HDAC1: variants seen among roughly 807,000 people sequenced by gnomAD.
HDAC1 encodes the protein protein deacetylase HDAC1.
Under a neutral mutation model 65.5 loss-of-function variants are expected in HDAC1, and 18 were observed. The ratio of observed to expected loss-of-function variants is 0.27; its 90% CI spans 0.19 to 0.41. The LOEUF (loss-of-function observed/expected upper bound fraction) is 0.41. Among genes scored for constraint, HDAC1 ranks in the 10% least tolerant of loss-of-function variants. The pLI, the probability that HDAC1 is intolerant of heterozygous loss-of-function variation, is 1.00. For missense variants in HDAC1, 373 were observed against 625.2 expected, an observed-to-expected ratio of 0.60 and a Z score of 4.30; for synonymous variants, 211 against 227.9, an observed-to-expected ratio of 0.93 and a Z score of 0.67.
At chr1:32,318,357 T>G (rs1641092710) in intron 3 of HDAC1, among the ~76,000 whole-genome samples, 1 of 152,124 alleles carries the variant, frequency 6.6e-6, no homozygotes, top group South Asian at 2.1e-4. Flanking sequence ...AGCCAGGAGT[T>G]TGAGACCAGC....
At position 32,330,615 on chromosome 1, in the gene HDAC1, C is replaced by T. The variant is rs138410521; in HGVS notation, c.767C>T (p.Ala256Val). 9 of 1,613,586 alleles carry T rather than the reference C, an allele frequency of 5.6e-6. No homozygotes were observed. Among genetic ancestry groups the T allele is most frequent in the East Asian group, 2.2e-5 (1 of 44,864 alleles). The change falls in exon 8 of 14, where the codon GCG becomes GTG. Residue 256 changes from alanine (A) to valine (V), a missense_variant. Physicochemically the swap from Ala to Val is moderately conservative, Grantham distance 64. This residue lies in a region of HDAC1 where 105 missense variants were observed against 192.6 expected (regional missense o/e 0.55). Transcript: ENST00000373548. The surrounding 1 kb of genome is among the most constrained non-coding windows in gnomAD (Gnocchi z 4.2). ...GTAATGGAGATGTTCCAGCCTAGTG[C>T]GGTGGTCTTACAGTGTGGCTCAGAC... Reference protein sequence around the residue: ...SKVMEMFQPSAVVLQCGSDSL... With the variant: ...SKVMEMFQPSVVVLQCGSDSL...
chr1:32,294,492 G>A (rs1640740153), intron 1 of HDAC1, among the ~76,000 whole-genome samples: 1 of 147,962 alleles, frequency 6.8e-6, no homozygotes, highest in Non-Finnish European at 1.5e-5. Context: ...TTTGGAGAAT[G>A]CCATGTCAGT....
chr1:32,324,394 A>T, intron 3 of HDAC1, 85 bp from the exon 4 acceptor site: 1 of 920,538 alleles, frequency 1.1e-6, no homozygotes, highest in Non-Finnish European at 1.8e-6. Flanking sequence ...TCCTGAATTT[A>T]AATTCTGTGT....
Position 32,302,586 on chromosome 1 carries a change from CTG to C in HDAC1, c.50-31_50-30del, listed in dbSNP as rs748413852. The C allele has an allele frequency of 1.4e-4, 145 of 1,021,292 alleles. 1 individual carries two copies. The South Asian group carries it at 1.8e-3, about 12-fold the overall frequency. 63.3% of individuals were successfully genotyped at this position (1,021,292 alleles called of 1,614,324 possible). Reference sequence around the variant, plus strand: ...GGTTCTCCTGGTAGTGTATGCCTAACTGTGTTAGTGAAGCTGTCACTCTCTCT... The same window carrying C: ...GGTTCTCCTGGTAGTGTATGCCTAACTGTTAGTGAAGCTGTCACTCTCTCT... On this transcript the variant is annotated intron_variant, in intron 1 of 13. Coordinates refer to ENST00000373548, the MANE Select transcript of HDAC1 (RefSeq NM_004964.3).
At chr1:32,299,165 G>A (rs971432131) in intron 1 of HDAC1, among the ~76,000 whole-genome samples, 2 of 152,082 alleles carry the variant, frequency 1.3e-5, no homozygotes, top group African/African-American at 4.8e-5. Flanking sequence ...GAGGATCCAG[G>A]GTGGAATTCT....
intron 1 of HDAC1, 105 bp from the exon 2 acceptor site, chr1:32,302,516 T>A: frequency 1.7e-6 from 1 of 581,376 alleles, no homozygotes; most frequent in Non-Finnish European, 3.2e-6. Flanking sequence ...AAACTAGAAA[T>A]GAGCCAGAAA....
chr1:32,326,263 C>T (rs887285498), intron 4 of HDAC1, among the ~76,000 whole-genome samples: 7 of 151,644 alleles, frequency 4.6e-5, no homozygotes, highest in African/African-American at 1.7e-4. Context: ...TGGGTTCAAG[C>T]GATTCTCCTG....
chr1:32,314,093 C>G (rs1641026063), intron 2 of HDAC1, among the ~76,000 whole-genome samples: 1 of 152,188 alleles, frequency 6.6e-6, no homozygotes, highest in Non-Finnish European at 1.5e-5. Context: ...GTAGAAGGTT[C>G]TCCTTGCAAT....
rs569157658 is a variant in HDAC1, at chr1:32,299,951, G to A, written c.50-2670G>A. On this transcript the variant is annotated intron_variant, in intron 1 of 13. Coordinates refer to ENST00000373548, the MANE Select transcript of HDAC1 (RefSeq NM_004964.3). ...CAGGCATCTGTAGTCCCAGCTGCTT[G>A]GGAGGCTGAGGCAGGAGAATGGCGT... 1.1e-4 allele frequency among the ~76,000 whole-genome samples: 17 copies of A among 152,274 alleles called. 1 individual carries two copies. The highest frequency in any genetic ancestry group is 4.1e-4 in the African/African-American group (17 of 41,552).
At chr1:32,312,602 C>T (rs1409310969) in intron 2 of HDAC1, among the ~76,000 whole-genome samples, 1 of 152,168 alleles carries the variant, frequency 6.6e-6, no homozygotes, top group East Asian at 1.9e-4. Context: ...TTCAAGTGAT[C>T]TGCCCCGCTC....
chr1:32,321,241 A>AAAT lies in HDAC1; in HGVS notation c.281-3224_281-3222dup, dbSNP rs890596466. Among the ~76,000 whole-genome samples the AAAT allele has an allele frequency of 5.3e-5, 8 of 151,586 alleles. No individual in the cohort carries two copies. In the East Asian group the frequency reaches 1.2e-3, roughly 22 times the overall value. On this transcript the variant is annotated intron_variant, in intron 3 of 13. Transcript: ENST00000373548. ...GCAAGACTCTGTCTCAAAAAAAAAA[A>AAAT]AATAATAATAATAATATAATGAACA...
At chr1:32,316,471 C>T (rs2148065118) in intron 2 of HDAC1, among the ~76,000 whole-genome samples, 194 bp from the exon 3 acceptor site, 1 of 152,296 alleles carries the variant, frequency 6.6e-6, no homozygotes, top group South Asian at 2.1e-4. Flanking sequence ...TCTTCTGATA[C>T]TCTGTCTCCT....
In HDAC1 at chr1:32,305,889, C is replaced by A. The variant is rs115213918; in HGVS notation, c.162+3156C>A. On this transcript the variant is annotated intron_variant, in intron 2 of 13. Transcript: ENST00000373548. ...CCTCCCTAAGTGCTGAGATTACAGG[C>A]GTGAGCCACAGTGCCTGACCCATTT... Among the ~76,000 whole-genome samples, 3 of 152,146 alleles carry A rather than the reference C, an allele frequency of 2.0e-5. No individual in the cohort carries two copies. In the South Asian group the frequency reaches 6.2e-4, roughly 32 times the overall value.
intron 1 of HDAC1, among the ~76,000 whole-genome samples, chr1:32,297,554 C>T (rs1024071709): frequency 1.6e-4 from 25 of 151,984 alleles, no homozygotes; most frequent in South Asian, 8.3e-4. Flanking sequence ...CAAGACCCTG[C>T]CTCAAAAAAA....
chr1:32,292,426 G>C, intron 1 of HDAC1: 1 of 985,302 alleles, frequency 1.0e-6, no homozygotes, highest in Non-Finnish European at 1.2e-6. Context: ...GATCGCGTGG[G>C]GGAAGCGTGA....
intron 3 of HDAC1, among the ~76,000 whole-genome samples, chr1:32,323,301 CA>C (rs887516152): frequency 5.3e-4 from 78 of 146,362 alleles, no homozygotes; most frequent in African/African-American, 1.8e-3. Context: ...AACTCCGTCT[CA>C]AAAAAAAAAC....
rs375309977 is a variant in HDAC1, at chr1:32,309,565, T to C, written c.162+6832T>C. ...AGCTGGGCATGGTGGTGGATGCCTGTAATCCCGACTACTCAGGAGGCTGAG... is the reference window on the plus strand; with the variant it reads ...AGCTGGGCATGGTGGTGGATGCCTGCAATCCCGACTACTCAGGAGGCTGAG... On this transcript the variant is annotated intron_variant, in intron 2 of 13. Coordinates refer to ENST00000373548, the MANE Select transcript of HDAC1 (RefSeq NM_004964.3). Among the ~76,000 whole-genome samples the C allele has an allele frequency of 2.0e-5, 3 of 151,078 alleles. No individual in the cohort carries two copies. The East Asian group carries it at 5.9e-4, about 30-fold the overall frequency.
At chr1:32,306,682 T>C (rs115463532) in intron 2 of HDAC1, among the ~76,000 whole-genome samples, 24 of 152,298 alleles carry the variant, frequency 1.6e-4, no homozygotes, top group African/African-American at 5.3e-4. Flanking sequence ...GTTGTTTCTG[T>C]AGGATCCTGG....
intron 12 of HDAC1, 90 bp from the exon 13 acceptor site, chr1:32,332,611 T>G: frequency 1.1e-6 from 1 of 898,666 alleles, no homozygotes; most frequent in South Asian, 1.4e-5. Context: ...TGAGCTGTAG[T>G]GTTGGGGAAG....
Sources: allele counts gnomAD v4.1 joint callset (sites outside exome capture counted in the v4.1 genomes callset), GRCh38; gene constraint gnomAD v4.1.1; regional missense constraint gnomAD v4.1.1; non-coding constraint Gnocchi (gnomAD v3.1); transcripts MANE v1.5; gene names NCBI Gene and HGNC (gene_info 2026-07-23, HGNC 2026-07-21).